Variants in BIN3 observed in about 807,000 individuals in gnomAD.
The protein encoded by BIN3 is bridging integrator 3.
BIN3 carries 41 observed loss-of-function variants against 38.2 expected under a neutral mutation model. The observed-to-expected ratio is 1.07, with a 90% confidence interval of 0.84 to 1.39. The LOEUF is 1.39. Ranked by LOEUF, BIN3 falls within the 40% of genes most tolerant of loss-of-function variation. The probability of loss-of-function intolerance (pLI) is 0.00; values close to 1 mark genes in which losing one functional copy is unlikely to be tolerated. For synonymous variants in BIN3, 145 were observed against 122.6 expected (o/e 1.18, Z -1.21); for missense variants, 361 against 324.3 (o/e 1.11, Z -0.87).
At chr8:22,653,333 TG>T (rs1166597018) in intron 1 of BIN3, among the ~76,000 whole-genome samples, 3 of 152,186 alleles carry the variant, frequency 2.0e-5, no homozygotes, top group African/African-American at 7.2e-5. Context: ...GTTCTCTTAA[TG>T]GATTACTCAC....
chr8:22,646,017 A>C (rs1289478164), intron 1 of BIN3, among the ~76,000 whole-genome samples: 1 of 152,200 alleles, frequency 6.6e-6, no homozygotes, highest in Non-Finnish European at 1.5e-5. Context: ...AGGAGTCTCA[A>C]CCTGAGCATT....
At chr8:22,665,737 C>T (rs1481442464) in intron 1 of BIN3, among the ~76,000 whole-genome samples, 2 of 152,160 alleles carry the variant, frequency 1.3e-5, no homozygotes, top group Non-Finnish European at 2.9e-5. Context: ...GAAGCCCTGG[C>T]CCAGAGTTGG....
At chr8:22,650,335 T>G (rs1802851779) in intron 1 of BIN3, among the ~76,000 whole-genome samples, 1 of 152,238 alleles carries the variant, frequency 6.6e-6, no homozygotes, top group South Asian at 2.1e-4. Context: ...ATCAGGATTT[T>G]TTTCTTGGAT....
chr8:22,629,749 A>C (rs1802124016), intron 6 of BIN3: 4 of 588,788 alleles, frequency 6.8e-6, no homozygotes, highest in South Asian at 6.3e-5. Context: ...TGGCAGGGGT[A>C]CCCTGAGCTC....
intron 6 of BIN3, chr8:22,629,649 G>A: frequency 2.1e-6 from 1 of 478,334 alleles, no homozygotes; most frequent in South Asian, 2.8e-5. Flanking sequence ...CATTCAGCAA[G>A]CCCTGGCCCC....
At chr8:22,629,217 G>A (rs1175901180) in intron 6 of BIN3, among the ~76,000 whole-genome samples, 4 of 152,296 alleles carry the variant, frequency 2.6e-5, no homozygotes, top group East Asian at 3.9e-4. Context: ...CTCATTACCC[G>A]GCCCTGGCAA....
Position 22,636,982 on chromosome 8 carries a change from T to G in BIN3, c.58-20A>C. 6.2e-7 allele frequency: 1 copy of G among 1,610,534 alleles called. No individual in the cohort carries two copies. The highest frequency in any genetic ancestry group is 8.5e-7 in the Non-Finnish European group (1 of 1,177,004). ...CTCCACCTGAAACGAGAGAGATAAC[T>G]CAATTATCGGAGAAATGACAACACG... On this transcript the variant is annotated intron_variant, in intron 2 of 8. Coordinates refer to ENST00000276416, the MANE Select transcript of BIN3 (RefSeq NM_018688.6).
At chr8:22,646,909 A>T (rs944218118) in intron 1 of BIN3, among the ~76,000 whole-genome samples, 1 of 147,594 alleles carries the variant, frequency 6.8e-6, no homozygotes, top group Non-Finnish European at 1.5e-5. Flanking sequence ...GGTGGCAAGG[A>T]CCACTCTGGA....
chr8:22,659,309 AT>A (rs1396774696), intron 1 of BIN3, among the ~76,000 whole-genome samples: 1 of 152,188 alleles, frequency 6.6e-6, no homozygotes, highest in African/African-American at 2.4e-5. Flanking sequence ...AATTAGCTTG[AT>A]CCAAAACCAG....
At chr8:22,642,567 A>G (rs1270196478) in intron 2 of BIN3, among the ~76,000 whole-genome samples, 2 of 152,232 alleles carry the variant, frequency 1.3e-5, no homozygotes, top group African/African-American at 4.8e-5. Flanking sequence ...AGAAGGTCAA[A>G]TCAACCAGCT....
intron 1 of BIN3, among the ~76,000 whole-genome samples, chr8:22,658,882 G>C (rs930254922): frequency 1.3e-5 from 2 of 152,220 alleles, no homozygotes; most frequent in African/African-American, 4.8e-5. Context: ...CCCGGTGAGT[G>C]GTCTGGGCCT....
intron 4 of BIN3, among the ~76,000 whole-genome samples, chr8:22,635,137 G>T (rs985693512): frequency 6.6e-6 from 1 of 152,076 alleles, no homozygotes; most frequent in African/African-American, 2.4e-5. Flanking sequence ...TCTTCCCTTG[G>T]CTCTACCTGT....
intron 6 of BIN3, chr8:22,629,618 G>T (rs1428931725): frequency 2.9e-6 from 1 of 350,380 alleles, no homozygotes; most frequent in East Asian, 4.8e-5. Context: ...GCTGAGGGCT[G>T]GCCAAGATCT....
chr8:22,635,257 G>A (rs769215708), intron 4 of BIN3, among the ~76,000 whole-genome samples: 5 of 152,094 alleles, frequency 3.3e-5, no homozygotes, highest in African/African-American at 1.2e-4. Context: ...TGCACGCCAC[G>A]ACGTGTCATT....
At chr8:22,644,899 G>A (rs759967176) in intron 1 of BIN3, 96 bp from the exon 2 acceptor site, 1 of 1,112,796 alleles carries the variant, frequency 9.0e-7, no homozygotes, top group African/African-American at 1.5e-5. Flanking sequence ...CCCCAGGAGG[G>A]CGAGGAAGCG....
At chr8:22,667,227 G>C in intron 1 of BIN3, among the ~76,000 whole-genome samples, 1 of 152,176 alleles carries the variant, frequency 6.6e-6, no homozygotes, top group East Asian at 1.9e-4. Context: ...GAAAATCTCA[G>C]CTCTTGTTAG....
intron 6 of BIN3, chr8:22,624,934 G>A: frequency 8.2e-6 from 2 of 244,948 alleles, no homozygotes; most frequent in Admixed American, 9.5e-5. Flanking sequence ...CCCTCACAGT[G>A]CCACTGGCAG....
At chr8:22,641,888 C>T (rs17088513) in intron 2 of BIN3, among the ~76,000 whole-genome samples, 6 of 152,066 alleles carry the variant, frequency 3.9e-5, no homozygotes, top group Admixed American at 2.0e-4. Flanking sequence ...TCCTACGCTA[C>T]GATGCTCCCG....
At chr8:22,623,772 G>A (rs894022350) in intron 8 of BIN3, 143 bp downstream of exon 8, 3 of 1,101,520 alleles carry the variant, frequency 2.7e-6, no homozygotes, top group African/African-American at 1.6e-5. Flanking sequence ...CTCTGGTAAT[G>A]GAATGAATTC....
Sources: gnomAD v4.1 joint callset for allele counts (sites outside exome capture counted in the v4.1 genomes callset) on GRCh38, gnomAD v4.1.1 for gene constraint, MANE v1.5 for transcripts, NCBI Gene and HGNC (gene_info 2026-07-23, HGNC 2026-07-21) for gene names.